The following UNC79 variants were observed in gnomAD, a reference collection of about 807,000 sequenced individuals.
UNC79 encodes the protein unc-79 subunit of NALCN channel complex.
UNC79 carries 37 observed loss-of-function variants against 283.1 expected under a neutral mutation model. The observed-to-expected ratio is 0.13, with a 90% confidence interval of 0.10 to 0.17. The LOEUF is 0.17. UNC79 is among the 10% of genes least tolerant of loss of function. UNC79 has a pLI of 1.00. For missense variants in UNC79, 2,272 were observed against 3,211.1 expected (o/e 0.71, Z 7.07); for synonymous variants, 1,107 against 1,200.2 (o/e 0.92, Z 1.61).
At chr14:93,376,021 A>C (rs112390360) in intron 1 of UNC79, among the ~76,000 whole-genome samples, 7 of 152,156 alleles carry the variant, frequency 4.6e-5, no homozygotes, top group African/African-American at 1.7e-4. Flanking sequence ...CCCCACCAGC[A>C]AGAAGGCTCT....
rs1157766916 is a variant in UNC79 at position 93,523,847 on chromosome 14, A to C, written c.899-131A>C. 3.3e-6 allele frequency: 3 copies of C among 920,626 alleles called. No homozygotes were observed. The African/African-American group carries it at 5.0e-5, about 15-fold the overall frequency. The allele number at this position is 920,626 out of a possible 1,614,324, so 57.0% of individuals were successfully genotyped here. On this transcript the variant is annotated intron_variant, in intron 7 of 48. Coordinates refer to ENST00000555664, the Ensembl canonical transcript of UNC79. ...TCTTTTAAATTTTTTATAGATTAAA[A>C]AGATGATTCTGTTAGAAAGCTTTCT...
chr14:93,418,355 C>T (rs202196218), intron 1 of UNC79, among the ~76,000 whole-genome samples: 3 of 151,714 alleles, frequency 2.0e-5, no homozygotes, highest in African/African-American at 7.2e-5. Flanking sequence ...ACCGTGAATG[C>T]TGCTGTCTGA....
At chr14:93,654,065 C>G in intron 37 of UNC79, 40 bp downstream of exon 40, 1 of 1,583,550 alleles carries the variant, frequency 6.3e-7, no homozygotes, top group Non-Finnish European at 8.7e-7. Context: ...CCAGCCGAAA[C>G]TCTAAGCCCC....
intron 1 of UNC79, among the ~76,000 whole-genome samples, chr14:93,466,147 G>T (rs1199915580): frequency 6.6e-6 from 1 of 152,198 alleles, no homozygotes; most frequent in Non-Finnish European, 1.5e-5. Context: ...CTTTGGAGCT[G>T]ATGTGTTACA....
chr14:93,682,948 A>T (rs1227756089), intron 42 of UNC79, among the ~76,000 whole-genome samples: 1 of 152,224 alleles, frequency 6.6e-6, no homozygotes, highest in Non-Finnish European at 1.5e-5. Context: ...AGACATAGTA[A>T]ATGCTGTGAA....
chr14:93,689,956 C>G, intron 44 of UNC79, 161 bp from the exon 48 acceptor site: 1 of 694,438 alleles, frequency 1.4e-6, no homozygotes, highest in Non-Finnish European at 2.4e-6. Context: ...ACAAGAAAAA[C>G]AGATATATCA....
At position 93,653,900 on chromosome 14, in the gene UNC79, C is replaced by T. The variant is rs746460152; in HGVS notation, c.6197-40C>T. On this transcript the variant is annotated intron_variant, in intron 36 of 48. Coordinates refer to ENST00000555664, the Ensembl canonical transcript of UNC79. ...CCAGGCACCACAAATTTGCCTCATC[C>T]CAGACACCCAAACACTAAATCCGAT... 2.5e-6 allele frequency: 4 copies of T among 1,613,908 alleles called. No homozygotes were observed. The African/African-American group carries it at 5.3e-5, about 22-fold the overall frequency.
Position 93,690,166 on chromosome 14 carries a change from C to A in UNC79, c.7135C>A (p.Leu2379Met), listed in dbSNP as rs2074575072. 6.2e-7 allele frequency: 1 copy of A among 1,614,182 alleles called. No homozygotes were observed. Among genetic ancestry groups the A allele is most frequent in the Non-Finnish European group, 8.5e-7 (1 of 1,180,026 alleles). Residue 2379 changes from leucine to methionine, a missense_variant, in exon 45 of 49, where the codon CTG becomes ATG. Leu to Met is a conservative substitution (Grantham distance 15). This residue lies in a region of UNC79 where 225 missense variants were observed against 334.2 expected (regional missense o/e 0.67). Coordinates refer to ENST00000555664, the Ensembl canonical transcript of UNC79. The surrounding 1 kb of genome is among the most constrained non-coding windows in gnomAD (Gnocchi z 4.3). ...CTCCCATATCCGACTGTTGTCCTGG[C>A]TGCTGCTGGGTTCCCTCACTCACAA...
At chr14:93,673,320 C>A (rs1014640054) in intron 40 of UNC79, 31 bp from the exon 44 acceptor site, 3 of 1,590,568 alleles carry the variant, frequency 1.9e-6, no homozygotes, top group Non-Finnish European at 2.6e-6. Flanking sequence ...TTTCTAAAAT[C>A]ACTTACCTCC....
At chr14:93,472,554 T>C (rs2057567214) in intron 2 of UNC79, among the ~76,000 whole-genome samples, 1 of 152,078 alleles carries the variant, frequency 6.6e-6, no homozygotes, top group African/African-American at 2.4e-5. Flanking sequence ...TCAATTGTTT[T>C]CCCCTGGACA....
At chr14:93,629,887 A>C (rs2140059497) in intron 30 of UNC79, among the ~76,000 whole-genome samples, 1 of 152,348 alleles carries the variant, frequency 6.6e-6, no homozygotes, top group South Asian at 2.1e-4. Context: ...CAAGCCAGCA[A>C]GATGCTCAGT....
chr14:93,643,590 C>T lies in UNC79; in HGVS notation c.5937C>T (p.Tyr1979=), dbSNP rs757931264. The T allele has an allele frequency of 4.9e-5, 79 of 1,613,880 alleles. 1 individual carries two copies. The highest frequency in any genetic ancestry group is 4.2e-4 in the South Asian group (38 of 91,054). ...ACTGTGGGGCCATTCTTGAAGAATACGATGAAGAGACACTTGGGCTAGCCA... is the reference window on the plus strand; with the variant it reads ...ACTGTGGGGCCATTCTTGAAGAATATGATGAAGAGACACTTGGGCTAGCCA... Residue 1979 remains tyrosine (Y), a synonymous_variant, in exon 34 of 49, where the codon TAC becomes TAT. Transcript: ENST00000555664.
exon 46 of UNC79, chr14:93,691,871 G>A (rs150304117): frequency 1.9e-6 from 3 of 1,614,144 alleles, no homozygotes; most frequent in African/African-American, 1.3e-5. Flanking sequence ...TCAGCTTCAC[G>A]GCGATACTGA....
In UNC79 at chr14:93,337,130, T is replaced by C. The variant is rs118079195; in HGVS notation, c.-351+3607T>C. Among the ~76,000 whole-genome samples, 319 of 152,286 alleles carry C rather than the reference T, an allele frequency of 2.1e-3. 5 individuals are homozygous for C. The East Asian group carries it at 0.023, about 11-fold the overall frequency. ...TGCCTTTCAGCCAATAAAGTAGTGC[T>C]TTTTCCAGGCCCGCCCACAGACCAA... On this transcript the variant is annotated intron_variant, in intron 1 of 49. Coordinates refer to the UNC79 transcript ENST00000256339.
intron 1 of UNC79, among the ~76,000 whole-genome samples, chr14:93,341,376 G>A (rs543729191): frequency 6.6e-6 from 1 of 152,168 alleles, no homozygotes; most frequent in East Asian, 1.9e-4. Context: ...AGAATCGCTT[G>A]AACTTGGGAG....
chr14:93,537,561 C>T (rs1241159036), intron 11 of UNC79, among the ~76,000 whole-genome samples: 1 of 152,200 alleles, frequency 6.6e-6, no homozygotes, highest in Non-Finnish European at 1.5e-5. Flanking sequence ...AGAGTTTATT[C>T]CGGGAGTTAA....
At chr14:93,535,287 C>T (rs747680633) in intron 11 of UNC79, among the ~76,000 whole-genome samples, 1 of 152,166 alleles carries the variant, frequency 6.6e-6, no homozygotes, top group Non-Finnish European at 1.5e-5. Context: ...TAGTAGGAAT[C>T]CTAGCAATTA....
chr14:93,695,564 A>G (rs1468048943), intron 47 of UNC79, among the ~76,000 whole-genome samples: 1 of 152,162 alleles, frequency 6.6e-6, no homozygotes, highest in African/African-American at 2.4e-5. Context: ...GCCATGCACC[A>G]TGATCAAGAC....
At chr14:93,487,696 A>T in exon 5 of UNC79, 1 of 1,614,068 alleles carries the variant, frequency 6.2e-7, no homozygotes, top group African/African-American at 1.3e-5. Flanking sequence ...GTACCTGCCC[A>T]TGTTAACCTC....
Sources: gnomAD v4.1 joint callset for allele counts (sites outside exome capture counted in the v4.1 genomes callset) on GRCh38, gnomAD v4.1.1 for gene constraint, gnomAD v4.1.1 regional missense constraint, Gnocchi (gnomAD v3.1) non-coding constraint, MANE v1.5 for transcripts, NCBI Gene and HGNC (gene_info 2026-07-23, HGNC 2026-07-21) for gene names.